MARCHF1: variants seen among roughly 807,000 people sequenced by gnomAD.
The protein encoded by MARCHF1 is E3 ubiquitin-protein ligase MARCHF1.
In MARCHF1, 40 loss-of-function variants were observed where a neutral mutation model predicts 54.2. The observed-to-expected ratio is 0.74, with a 90% CI of 0.57 to 0.96. MARCHF1 has a LOEUF of 0.96. Among genes scored for constraint, MARCHF1 ranks in the 40% least tolerant of loss-of-function variants. MARCHF1 has a pLI of 0.00. For synonymous variants in MARCHF1, 236 were observed against 236.3 expected, an observed-to-expected ratio of 1.00 and a Z score of 0.01; for missense variants, 586 against 656.5, an observed-to-expected ratio of 0.89 and a Z score of 1.17.
chr4:164,098,560 T>C (rs1346152712), intron 2 of MARCHF1, among the ~76,000 whole-genome samples: 1 of 152,220 alleles, frequency 6.6e-6, no homozygotes, highest in Non-Finnish European at 1.5e-5. Flanking sequence ...AATCTTATTC[T>C]GGGATTGGTA....
chr4:164,193,310 T>G (rs1238914909), intron 1 of MARCHF1, among the ~76,000 whole-genome samples: 1 of 151,974 alleles, frequency 6.6e-6, no homozygotes, highest in Non-Finnish European at 1.5e-5. Flanking sequence ...ATTCTTCTGC[T>G]TGTTCTTAAT....
chr4:164,321,710 G>A (rs1735147386), intron 1 of MARCHF1, among the ~76,000 whole-genome samples: 1 of 152,022 alleles, frequency 6.6e-6, no homozygotes, highest in African/African-American at 2.4e-5. Context: ...AAGAGTCTGA[G>A]GGTATATTAC....
intron 4 of MARCHF1, among the ~76,000 whole-genome samples, chr4:163,709,409 C>A (rs922716071): frequency 6.6e-6 from 1 of 152,026 alleles, no homozygotes; most frequent in Non-Finnish European, 1.5e-5. Context: ...GACCTCATCT[C>A]TAATTTTAAA....
intron 1 of MARCHF1, among the ~76,000 whole-genome samples, chr4:164,340,414 G>GATATAT (rs70952623): frequency 1.7e-4 from 16 of 93,384 alleles, no homozygotes; most frequent in African/African-American, 3.9e-4. Context: ...TTTATATATA[G>GATATAT]ATATATATAT....
At chr4:163,537,495 G>A (rs1477986425) in intron 9 of MARCHF1, among the ~76,000 whole-genome samples, 3 of 152,088 alleles carry the variant, frequency 2.0e-5, no homozygotes, top group African/African-American at 7.2e-5. Context: ...TGCCGATTTC[G>A]CAGAGGAATT....
At chr4:164,276,765 TAA>T in intron 1 of MARCHF1, among the ~76,000 whole-genome samples, 1 of 150,084 alleles carries the variant, frequency 6.7e-6, no homozygotes. Context: ...CTGTAAAATG[TAA>T]AAAACAGTAA....
intron 1 of MARCHF1, among the ~76,000 whole-genome samples, chr4:164,144,430 T>C (rs1444153540): frequency 6.6e-6 from 1 of 150,728 alleles, no homozygotes; most frequent in East Asian, 1.9e-4. Context: ...AGTAAAGCTC[T>C]CCTCAGCAAA....
intron 7 of MARCHF1, among the ~76,000 whole-genome samples, chr4:163,594,722 A>C (rs1740702376): frequency 6.7e-6 from 1 of 150,104 alleles, no homozygotes; most frequent in African/African-American, 2.5e-5. Flanking sequence ...GTGAAATGTC[A>C]CCTCGCACCC....
intron 3 of MARCHF1, among the ~76,000 whole-genome samples, chr4:163,901,212 T>C (rs1453395828): frequency 1.3e-5 from 2 of 152,188 alleles, no homozygotes; most frequent in African/African-American, 4.8e-5. Context: ...GAATCTCACC[T>C]TTTTTTCTCT....
chr4:164,154,484 G>T (rs779948591), intron 1 of MARCHF1, among the ~76,000 whole-genome samples: 4 of 152,140 alleles, frequency 2.6e-5, no homozygotes, highest in African/African-American at 9.7e-5. Flanking sequence ...ATCATATTTT[G>T]CTGTACTCAT....
At position 163,858,202 on chromosome 4, in the gene MARCHF1, A is replaced by C. The variant is rs540779008; in HGVS notation, c.-38-4033T>G. ...ACACCATGAGCATGGTACGCCTAGAACTGTGCAACCTGGCAGCCCTGCTGG... is the reference window on the plus strand; with the variant it reads ...ACACCATGAGCATGGTACGCCTAGACCTGTGCAACCTGGCAGCCCTGCTGG... On this transcript the variant is annotated intron_variant, in intron 3 of 9. Coordinates refer to ENST00000514618, the MANE Select transcript of MARCHF1 (RefSeq NM_001394959.1). Among the ~76,000 whole-genome samples, 127 of 152,186 alleles carry C rather than the reference A, an allele frequency of 8.3e-4. 2 individuals carry two copies. In the South Asian group the frequency reaches 0.026, roughly 32 times the overall value.
At chr4:164,041,698 A>C (rs1754132357) in intron 2 of MARCHF1, among the ~76,000 whole-genome samples, 1 of 152,142 alleles carries the variant, frequency 6.6e-6, no homozygotes, top group Non-Finnish European at 1.5e-5. Context: ...ATAAATGCTA[A>C]CTGTTGTGCC....
chr4:164,373,915 T>C (rs1455227680), intron 1 of MARCHF1, among the ~76,000 whole-genome samples: 2 of 152,212 alleles, frequency 1.3e-5, no homozygotes, highest in African/African-American at 4.8e-5. Flanking sequence ...TACTCATTTA[T>C]CACCATGAAA....
chr4:164,345,573 C>CATAATA (rs5863679), intron 1 of MARCHF1, among the ~76,000 whole-genome samples: 5,918 of 143,314 alleles, frequency 0.041, 267 homozygotes, highest in African/African-American at 0.11. Context: ...CTGTCTCAAA[C>CATAATA]ATAATAATAA....
chr4:163,704,721 T>G (rs1213047755), intron 4 of MARCHF1, among the ~76,000 whole-genome samples: 3 of 151,888 alleles, frequency 2.0e-5, no homozygotes, highest in East Asian at 3.9e-4. Context: ...CTATAGCATA[T>G]AGCAAAAGCT....
At chr4:164,020,737 C>A (rs1004874734) in intron 2 of MARCHF1, among the ~76,000 whole-genome samples, 1 of 152,106 alleles carries the variant, frequency 6.6e-6, no homozygotes, top group African/African-American at 2.4e-5. Context: ...TTGAGAACAG[C>A]CCAGGCAACA....
intron 3 of MARCHF1, among the ~76,000 whole-genome samples, chr4:163,881,414 T>C (rs1275245148): frequency 6.6e-6 from 1 of 151,922 alleles, no homozygotes; most frequent in Non-Finnish European, 1.5e-5. Flanking sequence ...GAGGTTGCAG[T>C]GAGCCAAAAT....
intron 2 of MARCHF1, among the ~76,000 whole-genome samples, chr4:164,030,548 C>A (rs1456808980): frequency 6.6e-6 from 1 of 152,122 alleles, no homozygotes; most frequent in East Asian, 1.9e-4. Flanking sequence ...TCACTGTAAC[C>A]ATAAATGACA....
chr4:163,779,589 C>T (rs186883647), intron 4 of MARCHF1, among the ~76,000 whole-genome samples: 1 of 152,072 alleles, frequency 6.6e-6, no homozygotes, highest in Admixed American at 6.6e-5. Flanking sequence ...AGGAAAAAGA[C>T]ATTGCTTAAG....
Sources: gnomAD v4.1 joint callset for allele counts (sites outside exome capture counted in the v4.1 genomes callset) on GRCh38, gnomAD v4.1.1 for gene constraint, MANE v1.5 for transcripts, NCBI Gene and HGNC (gene_info 2026-07-23, HGNC 2026-07-21) for gene names.